ZCCHC14: variants seen among roughly 807,000 people sequenced by gnomAD.
ZCCHC14 encodes zinc finger CCHC-type containing 14, also known as zinc finger CCHC domain-containing protein 14.
ZCCHC14 carries 16 observed loss-of-function variants against 85.0 expected under a neutral mutation model. The observed-to-expected ratio is 0.19, with a 90% CI of 0.13 to 0.29. ZCCHC14 has a LOEUF of 0.29. Ranked by LOEUF, ZCCHC14 falls within the 10% of genes least tolerant of loss-of-function variation. The probability of loss-of-function intolerance (pLI) is 1.00; values close to 1 mark genes in which losing one functional copy is unlikely to be tolerated. For synonymous variants in ZCCHC14, 775 were observed against 630.7 expected, an observed-to-expected ratio of 1.23 and a Z score of -3.43; for missense variants, 1,303 against 1,443.5, an observed-to-expected ratio of 0.90 and a Z score of 1.58.
At chr16:87,455,576 T>A (rs1264631128) in intron 2 of ZCCHC14, among the ~76,000 whole-genome samples, 1 of 152,202 alleles carries the variant, frequency 6.6e-6, no homozygotes, top group East Asian at 1.9e-4. Flanking sequence ...AATCACATTT[T>A]CTTCAGGGAA....
intron 12 of ZCCHC14, 128 bp downstream of exon 12, chr16:87,411,388 C>T (rs115789663): frequency 1.5e-5 from 22 of 1,514,684 alleles, no homozygotes; most frequent in African/African-American, 4.2e-5. Context: ...GATTTCCACG[C>T]GCTTTCAAAG....
At position 87,487,962 on chromosome 16, in the gene ZCCHC14, G is replaced by C. The variant is rs74820908; in HGVS notation, c.570+3707C>G. On this transcript the variant is annotated intron_variant, in intron 1 of 12. Transcript: ENST00000671377. ...CATAGAGACAAAAAGGGGTGGTCAA[G>C]GGTTGGGGGGAGGGGGAATGGGGAG... Among the ~76,000 whole-genome samples, 16 of 152,138 alleles carry C rather than the reference G, an allele frequency of 1.1e-4. No individual in the cohort carries two copies. In the East Asian group the frequency reaches 2.7e-3, roughly 26 times the overall value.
At chr16:87,488,409 G>A (rs1912608177) in intron 1 of ZCCHC14, among the ~76,000 whole-genome samples, 2 of 152,058 alleles carry the variant, frequency 1.3e-5, no homozygotes, top group Admixed American at 1.3e-4. Context: ...TGTGGCTACT[G>A]GAAGTATTTT....
At position 87,420,251 on chromosome 16, in the gene ZCCHC14, C is replaced by A. The variant is rs60419883; in HGVS notation, c.950+356G>T. Among the ~76,000 whole-genome samples, 15,277 of 152,200 alleles carry A rather than the reference C, an allele frequency of 0.1. 2,554 individuals are homozygous for A. The highest frequency in any genetic ancestry group is 0.34 in the African/African-American group (14,297 of 41,478). ...TTCGTGTGCCACGTGAGCCAAGACA[C>A]GATCGAGGGTCCAGAGAAACTGTTT... is the stretch of plus-strand genomic sequence containing the variant. On this transcript the variant is annotated intron_variant, in intron 5 of 12. Coordinates refer to ENST00000671377, the MANE Select transcript of ZCCHC14 (RefSeq NM_015144.3). The surrounding 1 kb of genome is among the most constrained non-coding windows in gnomAD (Gnocchi z 5.0).
At position 87,482,008 on chromosome 16, in the gene ZCCHC14, C is replaced by T. The variant is rs377472631; in HGVS notation, c.570+9661G>A. Among the ~76,000 whole-genome samples the T allele has an allele frequency of 5.9e-5, 9 of 152,256 alleles. No individual in the cohort carries two copies. The East Asian group carries it at 9.7e-4, about 16-fold the overall frequency. On this transcript the variant is annotated intron_variant, in intron 1 of 12. Coordinates refer to ENST00000671377, the MANE Select transcript of ZCCHC14 (RefSeq NM_015144.3). ...CAAGCCAGCAAGAGGAGCCCCACACCGGCCTTCACAAAAACCACTCTCCGG... is the reference window on the plus strand; with the variant it reads ...CAAGCCAGCAAGAGGAGCCCCACACTGGCCTTCACAAAAACCACTCTCCGG...
intron 1 of ZCCHC14, among the ~76,000 whole-genome samples, chr16:87,479,135 G>A (rs1912153349): frequency 6.6e-6 from 1 of 151,986 alleles, no homozygotes; most frequent in Non-Finnish European, 1.5e-5. Flanking sequence ...CCTAAGGATA[G>A]GCTGGGCGTG....
At chr16:87,471,114 C>A (rs1379679663) in intron 1 of ZCCHC14, 1 of 152,074 alleles carries the variant, frequency 6.6e-6, no homozygotes. Context: ...AAACAAAATA[C>A]AGTAAACATG....
At chr16:87,452,820 G>C (rs1910769914) in intron 2 of ZCCHC14, among the ~76,000 whole-genome samples, 1 of 152,340 alleles carries the variant, frequency 6.6e-6, no homozygotes, top group South Asian at 2.1e-4. Flanking sequence ...AGGTGCAGGT[G>C]CTGAGGCTGG....
chr16:87,426,668 A>T (rs1462425753), intron 3 of ZCCHC14, among the ~76,000 whole-genome samples: 4 of 152,214 alleles, frequency 2.6e-5, no homozygotes, highest in Non-Finnish European at 5.9e-5. Flanking sequence ...GGCAGGGCTC[A>T]GCCACACCCC....
intron 1 of ZCCHC14, among the ~76,000 whole-genome samples, chr16:87,470,154 G>T (rs576106717): frequency 9.9e-5 from 15 of 152,090 alleles, no homozygotes; most frequent in African/African-American, 2.7e-4. Context: ...GCAACATAGT[G>T]AGACTACATC....
At chr16:87,415,437 G>A in intron 8 of ZCCHC14, 70 bp from the exon 9 acceptor site, 2 of 1,305,392 alleles carry the variant, frequency 1.5e-6, no homozygotes, top group Non-Finnish European at 2.2e-6. Flanking sequence ...AGAACTTGGA[G>A]TTGAATTCAG....
rs184348796 is a variant in ZCCHC14 at position 87,419,008 on chromosome 16, G to C, written c.1046-107C>G. 5 of 1,058,636 alleles carry C rather than the reference G, an allele frequency of 4.7e-6. No individual in the cohort carries two copies. The African/African-American group carries it at 4.8e-5, about 10-fold the overall frequency. 65.6% of individuals were successfully genotyped at this position (1,058,636 alleles called of 1,614,324 possible). On this transcript the variant is annotated intron_variant, in intron 6 of 12. Transcript: ENST00000671377. Reference sequence around the variant, plus strand: ...TTTTGCTCTTGTTGCCCAGGCTGGAGAGCAATGGTGCGATCTCGGCTCACT... The same window carrying C: ...TTTTGCTCTTGTTGCCCAGGCTGGACAGCAATGGTGCGATCTCGGCTCACT...
intron 2 of ZCCHC14, among the ~76,000 whole-genome samples, chr16:87,443,992 G>A (rs1178456610): frequency 1.4e-5 from 2 of 139,356 alleles, no homozygotes; most frequent in African/African-American, 2.7e-5. Context: ...AGCCAAGACT[G>A]TGCCACTGCA....
At chr16:87,428,594 G>A (rs187154579) in intron 3 of ZCCHC14, among the ~76,000 whole-genome samples, 1 of 152,112 alleles carries the variant, frequency 6.6e-6, no homozygotes, top group African/African-American at 2.4e-5. Flanking sequence ...ACGATGAACT[G>A]CACGTATTTA....
At chr16:87,486,727 T>C (rs1912528900) in intron 1 of ZCCHC14, among the ~76,000 whole-genome samples, 1 of 152,238 alleles carries the variant, frequency 6.6e-6, no homozygotes, top group African/African-American at 2.4e-5. Flanking sequence ...TCTCCTGTAA[T>C]GTAACAACAA....
intron 1 of ZCCHC14, chr16:87,471,076 AC>A (rs1432453366): frequency 6.6e-6 from 1 of 152,232 alleles, no homozygotes; most frequent in East Asian, 1.9e-4. Flanking sequence ...TCAGGGGTTA[AC>A]ATGAACTTCA....
chr16:87,463,296 C>T (rs1279096238), intron 1 of ZCCHC14, among the ~76,000 whole-genome samples: 2 of 151,956 alleles, frequency 1.3e-5, no homozygotes, highest in Admixed American at 6.6e-5. Flanking sequence ...GTGGGAGCAT[C>T]GCTTGAGCCC....
chr16:87,473,511 G>A (rs1338610368), intron 1 of ZCCHC14: 1 of 152,158 alleles, frequency 6.6e-6, no homozygotes, highest in African/African-American at 2.4e-5. Flanking sequence ...CCCATCTTCA[G>A]GACTTTTGAC....
intron 3 of ZCCHC14, among the ~76,000 whole-genome samples, chr16:87,431,892 C>A (rs958670902): frequency 1.3e-5 from 2 of 152,168 alleles, no homozygotes; most frequent in Non-Finnish European, 2.9e-5. Flanking sequence ...CCAGAAACTC[C>A]GTGGGCGCCG....
Sources: allele counts gnomAD v4.1 joint callset (sites outside exome capture counted in the v4.1 genomes callset), GRCh38; gene constraint gnomAD v4.1.1; non-coding constraint Gnocchi (gnomAD v3.1); transcripts MANE v1.5; gene names NCBI Gene and HGNC (gene_info 2026-07-23, HGNC 2026-07-21).